GRM8: variants seen among roughly 807,000 people sequenced by gnomAD.
The protein encoded by GRM8 is glutamate metabotropic receptor 8, also known as metabotropic glutamate receptor 8.
Under a neutral mutation model 87.2 loss-of-function variants are expected in GRM8, and 47 were observed. The ratio of observed to expected loss-of-function variants is 0.54; its 90% CI spans 0.43 to 0.69. The LOEUF (loss-of-function observed/expected upper bound fraction) is 0.69, where lower values mean the gene tolerates loss of function less well. Among genes scored for constraint, GRM8 ranks in the 30% least tolerant of loss-of-function variants. GRM8 has a pLI of 0.00. For synonymous variants in GRM8, 396 were observed against 404.5 expected, an observed-to-expected ratio of 0.98 and a Z score of 0.25; for missense variants, 1,019 against 1,139.2, an observed-to-expected ratio of 0.89 and a Z score of 1.52.
intron 6 of GRM8, among the ~76,000 whole-genome samples, chr7:126,845,263 G>A (rs1397451018): frequency 1.3e-5 from 2 of 152,252 alleles, no homozygotes; most frequent in African/African-American, 4.8e-5. Context: ...TGACATATTT[G>A]TGCTCATGGA....
chr7:126,770,530 G>A (rs1475393780), intron 6 of GRM8, among the ~76,000 whole-genome samples: 2 of 151,938 alleles, frequency 1.3e-5, no homozygotes, highest in Non-Finnish European at 2.9e-5. Flanking sequence ...GAGCCTTTTT[G>A]TAACTTTTAT....
intron 2 of GRM8, among the ~76,000 whole-genome samples, chr7:127,160,535 G>GCACA (rs139597501): frequency 2.1e-5 from 3 of 140,326 alleles, no homozygotes; most frequent in East Asian, 2.0e-4. Context: ...TCACGCGCGC[G>GCACA]CACACACACA....
Position 126,752,728 on chromosome 7 carries a change from C to T in GRM8, c.1357+17137G>A, listed in dbSNP as rs76209251. Among the ~76,000 whole-genome samples, 661 of 152,254 alleles carry T rather than the reference C, an allele frequency of 4.3e-3. 7 individuals are homozygous for T. Among genetic ancestry groups the T allele is most frequent in the South Asian group, 0.034 (162 of 4,830 alleles). ...AAGAGAATTTACTATGATGGTTACA[C>T]AAATCTCTTTTCTGTCTAAAAGTTT... On this transcript the variant is annotated intron_variant, in intron 7 of 10. Coordinates refer to ENST00000339582, the MANE Select transcript of GRM8 (RefSeq NM_000845.3).
At chr7:127,008,870 G>A (rs907620256) in intron 3 of GRM8, among the ~76,000 whole-genome samples, 1 of 151,970 alleles carries the variant, frequency 6.6e-6, no homozygotes, top group African/African-American at 2.4e-5. Flanking sequence ...TGACTTTTCC[G>A]CTTTTCAAAT....
At chr7:127,087,417 G>A (rs1235576614) in intron 3 of GRM8, among the ~76,000 whole-genome samples, 1 of 152,212 alleles carries the variant, frequency 6.6e-6, no homozygotes, top group Non-Finnish European at 1.5e-5. Context: ...TGTAAAATCA[G>A]TAGGAAGAGG....
chr7:127,076,523 G>A (rs1822275983), intron 3 of GRM8, among the ~76,000 whole-genome samples: 1 of 152,172 alleles, frequency 6.6e-6, no homozygotes, highest in Non-Finnish European at 1.5e-5. Flanking sequence ...ACGTGGAAGT[G>A]GTTTCCCATT....
At chr7:127,067,182 C>T (rs886852604) in intron 3 of GRM8, among the ~76,000 whole-genome samples, 1 of 152,200 alleles carries the variant, frequency 6.6e-6, no homozygotes, top group Non-Finnish European at 1.5e-5. Context: ...GACCACCTCC[C>T]TCTGGTGGCC....
intron 3 of GRM8, among the ~76,000 whole-genome samples, chr7:127,071,235 G>A (rs1821653010): frequency 1.3e-5 from 2 of 152,146 alleles, no homozygotes; most frequent in South Asian, 4.1e-4. Context: ...AAAGCTCTGA[G>A]TTTTATTCAC....
intron 1 of GRM8, among the ~76,000 whole-genome samples, chr7:127,248,380 C>T (rs1798687802): frequency 6.6e-6 from 1 of 152,216 alleles, no homozygotes; most frequent in Admixed American, 6.5e-5. Context: ...AATTCAAATG[C>T]AGGACTGCCA....
At chr7:126,705,959 G>A (rs1810468923) in intron 7 of GRM8, among the ~76,000 whole-genome samples, 1 of 151,968 alleles carries the variant, frequency 6.6e-6, no homozygotes, top group African/African-American at 2.4e-5. Context: ...TGTAAGTAAA[G>A]AAGACCCAAG....
chr7:126,565,758 A>C (rs1794159923), intron 8 of GRM8, among the ~76,000 whole-genome samples: 1 of 152,172 alleles, frequency 6.6e-6, no homozygotes, highest in Non-Finnish European at 1.5e-5. Flanking sequence ...ACACAGCAGG[A>C]GGCATCTCCC....
At chr7:126,757,760 A>G (rs571012965) in intron 7 of GRM8, among the ~76,000 whole-genome samples, 1 of 152,218 alleles carries the variant, frequency 6.6e-6, no homozygotes, top group South Asian at 2.1e-4. Context: ...GCAACGACTA[A>G]GTTTCTGAAG....
intron 9 of GRM8, among the ~76,000 whole-genome samples, chr7:126,478,221 C>T (rs1806229874): frequency 6.6e-6 from 1 of 152,146 alleles, no homozygotes; most frequent in Admixed American, 6.6e-5. Flanking sequence ...TCATCCCTTG[C>T]TTTATCCTTT....
chr7:126,873,278 C>A (rs965409046), intron 6 of GRM8, among the ~76,000 whole-genome samples: 3 of 152,032 alleles, frequency 2.0e-5, no homozygotes, highest in African/African-American at 7.2e-5. Context: ...CCGAACATGA[C>A]CAAATCCACC....
At chr7:127,208,055 T>G (rs989042155) in intron 2 of GRM8, among the ~76,000 whole-genome samples, 2 of 152,098 alleles carry the variant, frequency 1.3e-5, no homozygotes, top group Admixed American at 6.5e-5. Context: ...ATTTTTTGAT[T>G]GGAAAAGAGA....
At chr7:126,520,869 T>C (rs1812882729) in intron 9 of GRM8, among the ~76,000 whole-genome samples, 1 of 152,150 alleles carries the variant, frequency 6.6e-6, no homozygotes, top group African/African-American at 2.4e-5. Context: ...ATTTCGAATG[T>C]AATTATTTCG....
chr7:126,827,815 T>G (rs545423359), intron 6 of GRM8, among the ~76,000 whole-genome samples: 2 of 152,314 alleles, frequency 1.3e-5, no homozygotes, highest in East Asian at 3.9e-4. Context: ...TTCTTCCAGT[T>G]TTTGCCCATT....
chr7:126,881,859 GTGAC>G (rs1463758417), intron 6 of GRM8, among the ~76,000 whole-genome samples: 5 of 152,160 alleles, frequency 3.3e-5, no homozygotes, highest in East Asian at 3.8e-4. Flanking sequence ...AACTACTGCT[GTGAC>G]TGACTAAATA....
At chr7:127,250,633 C>A (rs1563609389) in intron 1 of GRM8, among the ~76,000 whole-genome samples, 2 of 152,142 alleles carry the variant, frequency 1.3e-5, no homozygotes, top group Non-Finnish European at 2.9e-5. Context: ...CTTTTCTTTT[C>A]AAAATTATCA....
Sources: gnomAD v4.1 joint callset for allele counts (sites outside exome capture counted in the v4.1 genomes callset) on GRCh38, gnomAD v4.1.1 for gene constraint, MANE v1.5 for transcripts, NCBI Gene and HGNC (gene_info 2026-07-23, HGNC 2026-07-21) for gene names.